Variants in JPH2 observed in about 807,000 individuals in gnomAD.
JPH2 encodes the protein junctophilin 2, also known as junctophilin-2.
JPH2 carries 38 observed loss-of-function variants against 55.9 expected under a neutral mutation model. The ratio of observed to expected loss-of-function variants is 0.68; its 90% CI spans 0.52 to 0.89. JPH2 has a LOEUF of 0.89. Among genes scored for constraint, JPH2 ranks in the 40% least tolerant of loss-of-function variants. JPH2 has a pLI of 0.00. For missense variants in JPH2, 964 were observed against 1,037.6 expected (o/e 0.93, Z 0.97); for synonymous variants, 480 against 472.4 (o/e 1.02, Z -0.21).
rs138602954 is a variant in JPH2 at position 44,110,225 on chromosome 20, T to TACAC, written c.*3289_*3292dup. On this transcript the variant is annotated 3_prime_UTR_variant, in exon 6 of 6. Transcript: ENST00000372980. ...CCCCAACTCATCCAACACACACACA[T>TACAC]ACACACACACACACAGACACACCCC... Among the ~76,000 whole-genome samples the TACAC allele has an allele frequency of 6.7e-5, 10 of 150,016 alleles. No homozygotes were observed. Among genetic ancestry groups the TACAC allele is most frequent in the South Asian group, 2.1e-4 (1 of 4,736 alleles).
At chr20:44,141,493 G>A (rs527738195) in intron 2 of JPH2, among the ~76,000 whole-genome samples, 3 of 149,772 alleles carry the variant, frequency 2.0e-5, no homozygotes, top group East Asian at 1.9e-4. Context: ...GAAGCCCAAT[G>A]GGTGAGGCAG....
At chr20:44,150,761 C>T (rs1332676259) in intron 2 of JPH2, among the ~76,000 whole-genome samples, 1 of 152,216 alleles carries the variant, frequency 6.6e-6, no homozygotes, top group East Asian at 1.9e-4. Context: ...TGTGGTGGCT[C>T]ATGCCTGTAA....
chr20:44,161,032 T>C (rs1416109046), intron 1 of JPH2, among the ~76,000 whole-genome samples: 6 of 152,128 alleles, frequency 3.9e-5, no homozygotes, highest in Non-Finnish European at 8.8e-5. Context: ...GCCATGATTG[T>C]GCCACTGCAC....
intron 1 of JPH2, among the ~76,000 whole-genome samples, chr20:44,161,233 C>T (rs1479950682): frequency 1.3e-5 from 2 of 152,094 alleles, no homozygotes; most frequent in Non-Finnish European, 2.9e-5. Context: ...ATGTAGCACT[C>T]CAGGCTGAGT....
In JPH2 at chr20:44,109,108, G is replaced by A. The variant is rs1465392786; in HGVS notation, c.*4410C>T. ...GCTGGCTCATCTGCAGTGATGGGAA[G>A]CTCACTCTTTCATGGTGGGAGCAGT... is the stretch of plus-strand genomic sequence containing the variant. On this transcript the variant is annotated 3_prime_UTR_variant, in exon 6 of 6. Transcript: ENST00000372980. Among the ~76,000 whole-genome samples the A allele has an allele frequency of 6.6e-6, 1 of 152,166 alleles. No individual in the cohort carries two copies. The highest frequency in any genetic ancestry group is 2.4e-5 in the African/African-American group (1 of 41,432).
chr20:44,138,165 G>GCC (rs1351307201), intron 2 of JPH2, among the ~76,000 whole-genome samples: 2 of 151,290 alleles, frequency 1.3e-5, no homozygotes, highest in African/African-American at 2.4e-5. Flanking sequence ...CCGCCACCAC[G>GCC]CCCGGCCAAT....
intron 1 of JPH2, chr20:44,178,047 C>A (rs2072749343): frequency 1.3e-6 from 1 of 791,650 alleles, no homozygotes; most frequent in African/African-American, 1.7e-5. Context: ...AGAACCGGCA[C>A]AGCTGGGATT....
intron 1 of JPH2, among the ~76,000 whole-genome samples, chr20:44,161,270 C>T (rs1050443760): frequency 6.6e-6 from 1 of 152,144 alleles, no homozygotes; most frequent in Non-Finnish European, 1.5e-5. Context: ...ATCAGTGAAA[C>T]CGAGACACTG....
intron 1 of JPH2, among the ~76,000 whole-genome samples, chr20:44,170,246 C>A (rs80129568): frequency 1.4e-3 from 216 of 152,282 alleles, no homozygotes; most frequent in African/African-American, 5.0e-3. Context: ...TTTCAAACCA[C>A]CTCCTTCAGG....
At chr20:44,177,300 TCGG>T (rs1207493123) in intron 1 of JPH2, 4 of 985,612 alleles carry the variant, frequency 4.1e-6, no homozygotes, top group Non-Finnish European at 4.8e-6. Context: ...AAAATGAGAC[TCGG>T]CATTCCTCAT....
chr20:44,159,602 C>T lies in JPH2; in HGVS notation c.1169+16G>A, dbSNP rs375515254. ...CGAGGGGAGGCGACCCCTTCCCACCCCCACCGCTGTCCTACCTGGAGGCGG... is the reference window on the plus strand; with the variant it reads ...CGAGGGGAGGCGACCCCTTCCCACCTCCACCGCTGTCCTACCTGGAGGCGG... On this transcript the variant is annotated intron_variant, in intron 2 of 5. Coordinates refer to ENST00000372980, the MANE Select transcript of JPH2 (RefSeq NM_020433.5). The surrounding 1 kb of genome is among the most constrained non-coding windows in gnomAD (Gnocchi z 5.7). 3.8e-6 allele frequency: 6 copies of T among 1,595,012 alleles called. No homozygotes were observed. Among genetic ancestry groups the T allele is most frequent in the Non-Finnish European group, 4.2e-6 (5 of 1,177,426 alleles).
intron 1 of JPH2, among the ~76,000 whole-genome samples, chr20:44,183,256 C>T (rs1418063548): frequency 6.6e-6 from 1 of 152,242 alleles, no homozygotes; most frequent in African/African-American, 2.4e-5. Flanking sequence ...TCTCCAGTGC[C>T]TAGCACTGTG....
chr20:44,185,443 G>C (rs1382033129), intron 1 of JPH2, among the ~76,000 whole-genome samples: 1 of 146,438 alleles, frequency 6.8e-6, no homozygotes, highest in African/African-American at 2.6e-5. Context: ...GGGCAATATG[G>C]AAAAGCCCTG....
chr20:44,120,308 C>G (rs558141398), intron 2 of JPH2, among the ~76,000 whole-genome samples: 1 of 152,110 alleles, frequency 6.6e-6, no homozygotes, highest in Non-Finnish European at 1.5e-5. Context: ...CACAGTTGCA[C>G]GTGACAGGAG....
chr20:44,176,562 G>A (rs2072734900), intron 1 of JPH2, among the ~76,000 whole-genome samples: 2 of 152,090 alleles, frequency 1.3e-5, no homozygotes, highest in Admixed American at 1.3e-4. Flanking sequence ...AGCAATTTGG[G>A]AAGCTGAGGC....
In JPH2 at chr20:44,134,011, A is replaced by AT. The variant is rs1210590507; in HGVS notation, c.1170-15389dup. ...TTATTATAAATATATATAAATATAT[A>AT]TATTATAAATATATATAAATATATA... On this transcript the variant is annotated intron_variant, in intron 2 of 5. Coordinates refer to ENST00000372980, the MANE Select transcript of JPH2 (RefSeq NM_020433.5). 9.1e-3 allele frequency among the ~76,000 whole-genome samples: 71 copies of AT among 7,830 alleles called. 19 individuals are homozygous for AT. Among genetic ancestry groups the AT allele is most frequent in the African/African-American group, 0.024 (35 of 1,438 alleles). 5.1% of individuals were successfully genotyped at this position (7,830 alleles called of 152,430 possible).
rs1174591511 is a variant in JPH2 at position 44,109,665 on chromosome 20, C to T, written c.*3853G>A. Among the ~76,000 whole-genome samples the T allele has an allele frequency of 6.6e-6, 1 of 152,192 alleles. No homozygotes were observed. The highest frequency in any genetic ancestry group is 1.5e-5 in the Non-Finnish European group (1 of 68,034). The stretch of plus-strand genomic sequence containing the variant: ...TAAGAGCTATTTTAATTTCAGCATA[C>T]ATGCAAGTTTTATGTTTTACAGTTT... On this transcript the variant is annotated 3_prime_UTR_variant, in exon 6 of 6. Coordinates refer to ENST00000372980, the MANE Select transcript of JPH2 (RefSeq NM_020433.5).
intron 1 of JPH2, among the ~76,000 whole-genome samples, chr20:44,165,259 G>T (rs1335418303): frequency 6.7e-6 from 1 of 150,044 alleles, no homozygotes. Flanking sequence ...TTTTTGTAAT[G>T]TAAATAAATA....
intron 2 of JPH2, among the ~76,000 whole-genome samples, chr20:44,144,952 C>T (rs2072482936): frequency 1.5e-5 from 2 of 134,370 alleles, no homozygotes; most frequent in Admixed American, 1.6e-4. Context: ...CAGGTTCTCT[C>T]ATGATCCCCA....
Sources: allele counts gnomAD v4.1 joint callset (sites outside exome capture counted in the v4.1 genomes callset), GRCh38; gene constraint gnomAD v4.1.1; non-coding constraint Gnocchi (gnomAD v3.1); transcripts MANE v1.5; gene names NCBI Gene and HGNC (gene_info 2026-07-23, HGNC 2026-07-21).